The following TBC1D1 variants were observed in gnomAD, a reference collection of about 807,000 sequenced individuals.
TBC1D1 encodes TBC1 domain family member 1, also known as TBC1 (tre-2/USP6, BUB2, cdc16) domain family, member 1.
In TBC1D1, 89 loss-of-function variants were observed where a neutral mutation model predicts 125.6. The observed-to-expected ratio is 0.71, with a 90% CI of 0.60 to 0.85. TBC1D1 has a LOEUF of 0.85. Among genes scored for constraint, TBC1D1 ranks in the 40% least tolerant of loss-of-function variants. The pLI is 0.00. For synonymous variants in TBC1D1, 565 were observed against 564.1 expected (o/e 1.00, Z -0.02); for missense variants, 1,377 against 1,469.2 (o/e 0.94, Z 1.03).
intron 15 of TBC1D1, 131 bp from the exon 18 acceptor site, chr4:38,115,579 A>G (rs921435689): frequency 2.1e-6 from 2 of 943,310 alleles, no homozygotes; most frequent in South Asian, 1.7e-5. Flanking sequence ...AGGAAGTGGC[A>G]AAGACTGATT....
rs990283648 is a variant in TBC1D1 at position 37,952,496 on chromosome 4, G to T, written c.417+49984G>T. On this transcript the variant is annotated intron_variant, in intron 2 of 19. Transcript: ENST00000261439. The stretch of plus-strand genomic sequence containing the variant: ...CTTTCTAGGAACATGGATGGAGCTG[G>T]AAACCATTATCCTCAGCAAACTAAC... 4.0e-5 allele frequency: 7 copies of T among 176,146 alleles called. No homozygotes were observed. In the South Asian group the frequency reaches 8.5e-4, roughly 21 times the overall value. The allele number at this position is 176,146 out of a possible 1,614,324, so 10.9% of individuals were successfully genotyped here.
rs1162110465 is a variant in TBC1D1, at chr4:38,014,199, T to C, written c.418-310T>C. Among the ~76,000 whole-genome samples, 1 of 152,140 alleles carries C rather than the reference T, an allele frequency of 6.6e-6. No homozygotes were observed. The highest frequency in any genetic ancestry group is 2.4e-5 in the African/African-American group (1 of 41,434). On this transcript the variant is annotated intron_variant, in intron 2 of 19. Coordinates refer to ENST00000261439, the MANE Select transcript of TBC1D1 (RefSeq NM_015173.4). This position sits in a 1 kb window ranked among gnomAD's most constrained non-coding sequence, Gnocchi z 5.1. ...CCAAGGCCTGCTAGGTTGGGCTGTG[T>C]GTGTTCCCGGGCTGGTGGTTTAACC...
At chr4:38,004,580 A>G (rs1310620375) in intron 2 of TBC1D1, among the ~76,000 whole-genome samples, 2 of 152,194 alleles carry the variant, frequency 1.3e-5, no homozygotes, top group Non-Finnish European at 2.9e-5. Flanking sequence ...ATTACCTATC[A>G]GAAAGGAATG....
chr4:37,908,453 G>A (rs555311440), intron 2 of TBC1D1, among the ~76,000 whole-genome samples: 3 of 152,212 alleles, frequency 2.0e-5, no homozygotes, highest in African/African-American at 7.2e-5. Context: ...TGATCCGCCC[G>A]CTTCCACCTC....
intron 2 of TBC1D1, among the ~76,000 whole-genome samples, chr4:37,940,799 T>G (rs1456813527): frequency 2.6e-5 from 4 of 152,236 alleles, no homozygotes; most frequent in Non-Finnish European, 5.9e-5. Flanking sequence ...TTTTTGTCTT[T>G]GGTTCTGTTT....
chr4:37,996,882 A>T (rs1332351310), intron 2 of TBC1D1, among the ~76,000 whole-genome samples: 1 of 152,216 alleles, frequency 6.6e-6, no homozygotes, highest in Non-Finnish European at 1.5e-5. Flanking sequence ...CTGAGATCCA[A>T]CCCACACTTG....
intron 2 of TBC1D1, among the ~76,000 whole-genome samples, chr4:37,968,460 A>G (rs1160118347): frequency 1.3e-5 from 2 of 152,258 alleles, no homozygotes; most frequent in Non-Finnish European, 2.9e-5. Context: ...CTGGCTAACA[A>G]GAAACTACAA....
intron 8 of TBC1D1, among the ~76,000 whole-genome samples, chr4:38,042,081 C>T (rs990735947): frequency 6.6e-6 from 1 of 151,478 alleles, no homozygotes; most frequent in African/African-American, 2.4e-5. Context: ...GAGGCTGAGG[C>T]ATGAGAATCA....
intron 2 of TBC1D1, among the ~76,000 whole-genome samples, chr4:37,936,997 C>G (rs996562060): frequency 2.6e-5 from 4 of 152,176 alleles, no homozygotes; most frequent in African/African-American, 9.7e-5. Context: ...GCCAGAAAAT[C>G]AAGCCTGGCA....
intron 18 of TBC1D1, among the ~76,000 whole-genome samples, chr4:38,132,226 C>A (rs1244412394): frequency 1.3e-5 from 2 of 151,230 alleles, no homozygotes. Context: ...AGCTTGACTG[C>A]ATTCTCAGAT....
intron 12 of TBC1D1, among the ~76,000 whole-genome samples, chr4:38,077,344 A>G (rs1417661108): frequency 1.3e-5 from 2 of 152,206 alleles, no homozygotes; most frequent in African/African-American, 2.4e-5. Context: ...TGCGTCTACT[A>G]AGTTCAAGGT....
intron 1 of TBC1D1, among the ~76,000 whole-genome samples, chr4:37,892,573 G>T (rs1305326158): frequency 7.8e-6 from 1 of 127,716 alleles, no homozygotes; most frequent in Non-Finnish European, 1.5e-5. Context: ...CTGTGGATTT[G>T]TCCAGCCATT....
Position 37,977,405 on chromosome 4 carries a change from G to T in TBC1D1, c.418-37104G>T. The T allele has an allele frequency of 1.4e-6, 1 of 727,116 alleles. No individual in the cohort carries two copies. Among genetic ancestry groups the T allele is most frequent in the African/African-American group, 1.9e-5 (1 of 51,748 alleles). 45.0% of individuals were successfully genotyped at this position (727,116 alleles called of 1,614,324 possible). A position where few individuals can be genotyped will look rare whatever the true frequency, so the allele number is the denominator to read the frequency against. ...GGGAGAGCGATGCCCCGGCCCCGCC[G>T]CTCCCCAAGCCCGCCCCCGGCCGCC... On this transcript the variant is annotated intron_variant, in intron 2 of 19. Coordinates refer to ENST00000261439, the MANE Select transcript of TBC1D1 (RefSeq NM_015173.4). The surrounding 1 kb of genome is among the most constrained non-coding windows in gnomAD (Gnocchi z 4.3).
At chr4:38,126,798 C>G (rs1488989753) in intron 18 of TBC1D1, among the ~76,000 whole-genome samples, 3 of 152,156 alleles carry the variant, frequency 2.0e-5, no homozygotes, top group Non-Finnish European at 4.4e-5. Context: ...CACACTCACT[C>G]TGCTGCAAAG....
intron 15 of TBC1D1, among the ~76,000 whole-genome samples, chr4:38,114,067 G>A (rs992566493): frequency 6.8e-4 from 101 of 149,462 alleles, no homozygotes; most frequent in South Asian, 6.4e-4. Context: ...ACACACACCT[G>A]CACACAACCT....
chr4:38,022,466 C>A (rs79041587), intron 6 of TBC1D1, among the ~76,000 whole-genome samples: 1 of 152,180 alleles, frequency 6.6e-6, no homozygotes, highest in Non-Finnish European at 1.5e-5. Context: ...TCACCCCAGG[C>A]GGTAAAGCCC....
At chr4:37,908,143 G>T (rs1028524108) in intron 2 of TBC1D1, among the ~76,000 whole-genome samples, 5 of 151,678 alleles carry the variant, frequency 3.3e-5, no homozygotes, top group Admixed American at 3.3e-4. Flanking sequence ...GTGTGTGGTC[G>T]AGGGCAGTGG....
At chr4:38,089,223 C>T (rs1354846227) in intron 12 of TBC1D1, among the ~76,000 whole-genome samples, 1 of 152,170 alleles carries the variant, frequency 6.6e-6, no homozygotes, top group African/African-American at 2.4e-5. Context: ...GTTTCCTTTC[C>T]AGGCTAATAT....
chr4:38,046,256 C>T (rs1749446058), intron 10 of TBC1D1, among the ~76,000 whole-genome samples: 1 of 151,894 alleles, frequency 6.6e-6, no homozygotes, highest in South Asian at 2.1e-4. Context: ...CCCGTAGTCC[C>T]AGCTACTCGG....
Sources: gnomAD v4.1 joint callset for allele counts (sites outside exome capture counted in the v4.1 genomes callset) on GRCh38, gnomAD v4.1.1 for gene constraint, Gnocchi (gnomAD v3.1) non-coding constraint, MANE v1.5 for transcripts, NCBI Gene and HGNC (gene_info 2026-07-23, HGNC 2026-07-21) for gene names.